The following PATL1 variants were observed in gnomAD, a reference collection of about 807,000 sequenced individuals.
The protein encoded by PATL1 is protein PAT1 homolog 1.
A neutral mutation model predicts 100.6 loss-of-function variants in PATL1; 32 were observed. The observed-to-expected ratio is 0.32, with a 90% CI of 0.24 to 0.43. PATL1 has a LOEUF of 0.43. PATL1 is among the 20% of genes least tolerant of loss of function. The pLI, the probability that PATL1 is intolerant of heterozygous loss-of-function variation, is 1.00. For synonymous variants in PATL1, 332 were observed against 330.0 expected (o/e 1.01, Z -0.07); for missense variants, 747 against 949.9 (o/e 0.79, Z 2.81).
At chr11:59,654,116 G>A in intron 8 of PATL1, 44 bp from the exon 9 acceptor site, 1 of 1,502,304 alleles carries the variant, frequency 6.7e-7, no homozygotes, top group South Asian at 1.1e-5. Flanking sequence ...TCATCCTGAT[G>A]ACTTGAAATT....
intron 1 of PATL1, among the ~76,000 whole-genome samples, chr11:59,667,684 G>A (rs982398082): frequency 7.9e-5 from 12 of 152,220 alleles, no homozygotes; most frequent in Non-Finnish European, 1.8e-4. Flanking sequence ...ACATTGTAAT[G>A]CAGGGACAAT....
rs1334004045 is a variant in PATL1 at position 59,658,951 on chromosome 11, CA to C, written c.346-6del. ...ATTCAGACTTCCTGGTTGGGGCTAACAAAAAAGGAAAACATACAGAGTCTGA... is the reference window on the plus strand; with the variant it reads ...ATTCAGACTTCCTGGTTGGGGCTAACAAAAAGGAAAACATACAGAGTCTGA... On this transcript the variant is annotated splice_polypyrimidine_tract_variant and splice_region_variant and intron_variant, in intron 3 of 18. Coordinates refer to ENST00000300146, the MANE Select transcript of PATL1 (RefSeq NM_152716.3). The C allele has an allele frequency of 1.9e-6, 3 of 1,543,058 alleles. No individual in the cohort carries two copies. Among genetic ancestry groups the C allele is most frequent in the African/African-American group, 1.4e-5 (1 of 72,328 alleles).
chr11:59,656,246 G>C (rs1359425365), intron 6 of PATL1, among the ~76,000 whole-genome samples: 1 of 152,074 alleles, frequency 6.6e-6, no homozygotes. Flanking sequence ...AGAAGCAGTA[G>C]AACATGGGAC....
At chr11:59,659,922 G>A (rs1590703463) in intron 2 of PATL1, among the ~76,000 whole-genome samples, 1 of 152,136 alleles carries the variant, frequency 6.6e-6, no homozygotes, top group Non-Finnish European at 1.5e-5. Flanking sequence ...AGGAAATAAG[G>A]TTTAAACTAA....
intron 16 of PATL1, among the ~76,000 whole-genome samples, chr11:59,640,982 G>A (rs1247244229): frequency 1.3e-5 from 2 of 152,098 alleles, no homozygotes; most frequent in Non-Finnish European, 2.9e-5. Flanking sequence ...GACCAGCCTG[G>A]CCAACATGGC....
At chr11:59,647,605 C>G (rs929217022) in intron 15 of PATL1, 149 bp downstream of exon 15, 2 of 815,278 alleles carry the variant, frequency 2.5e-6, no homozygotes, top group African/African-American at 3.5e-5. Context: ...GCCTGAAATA[C>G]TAAAGGTTTT....
chr11:59,641,875 C>T (rs568670331), intron 16 of PATL1, among the ~76,000 whole-genome samples: 123 of 152,296 alleles, frequency 8.1e-4, no homozygotes, highest in Non-Finnish European at 1.4e-3. Flanking sequence ...ACCCCAGAGG[C>T]ACTGTCACCT....
intron 8 of PATL1, among the ~76,000 whole-genome samples, chr11:59,655,322 C>T (rs1303418291): frequency 1.3e-5 from 2 of 152,180 alleles, no homozygotes; most frequent in African/African-American, 4.8e-5. Flanking sequence ...CACTGTATTC[C>T]ATACCCTCTG....
In PATL1 at chr11:59,652,476, C is replaced by CG; in HGVS notation, c.1413dup (p.Ala472ArgfsTer3). On this transcript the variant is annotated frameshift_variant, in exon 11 of 19. Transcript: ENST00000300146. LOFTEE classifies it high-confidence loss of function. Reference sequence around the variant, plus strand: ...ATGAGGACCTTACCTGGCTTATAGGCGTGCTCCAGTTTGGCCACCTGAGGG... The same window carrying CG: ...ATGAGGACCTTACCTGGCTTATAGGCGGTGCTCCAGTTTGGCCACCTGAGGG... The CG allele has an allele frequency of 6.2e-7, 1 of 1,613,192 alleles. No individual in the cohort carries two copies. Among genetic ancestry groups the CG allele is most frequent in the Non-Finnish European group, 8.5e-7 (1 of 1,179,596 alleles).
intron 15 of PATL1, among the ~76,000 whole-genome samples, chr11:59,645,587 G>A (rs1197285151): frequency 1.3e-5 from 2 of 151,982 alleles, no homozygotes; most frequent in Admixed American, 6.6e-5. Flanking sequence ...GGAAAGGTAG[G>A]ATAAATGCTT....
chr11:59,640,168 T>G (rs956735849), intron 16 of PATL1, among the ~76,000 whole-genome samples: 3 of 150,970 alleles, frequency 2.0e-5, no homozygotes, highest in Non-Finnish European at 4.4e-5. Flanking sequence ...ATGGTGAAAC[T>G]CCGTCTCTAC....
chr11:59,645,196 G>A (rs1202502522), intron 15 of PATL1, among the ~76,000 whole-genome samples: 9 of 120,486 alleles, frequency 7.5e-5, no homozygotes, highest in Admixed American at 3.6e-4. Flanking sequence ...ACACAGACAC[G>A]GCAACCATCC....
rs376049462 is a variant in PATL1, at chr11:59,651,088, G to A, written c.1525-275C>T. ...TGAAAATCTTTTTTTTTTCTTAAAC[G>A]TTAATTTTAGGTTCAATGGTACACG... On this transcript the variant is annotated intron_variant, in intron 12 of 18. Transcript: ENST00000300146. Among the ~76,000 whole-genome samples, 45 of 151,804 alleles carry A rather than the reference G, an allele frequency of 3.0e-4. No individual in the cohort carries two copies. The East Asian group carries it at 4.6e-3, about 16-fold the overall frequency.
At chr11:59,665,171 A>G (rs994448492) in intron 2 of PATL1, among the ~76,000 whole-genome samples, 3 of 152,214 alleles carry the variant, frequency 2.0e-5, no homozygotes, top group African/African-American at 7.2e-5. Flanking sequence ...AATGACTGAC[A>G]ATATTAAAAC....
chr11:59,641,163 T>C (rs945397054), intron 16 of PATL1, among the ~76,000 whole-genome samples: 4 of 150,416 alleles, frequency 2.7e-5, no homozygotes, highest in Non-Finnish European at 5.9e-5. Context: ...AGAGCAAGGC[T>C]CTGTCTCAAA....
intron 14 of PATL1, among the ~76,000 whole-genome samples, 160 bp downstream of exon 14, chr11:59,649,302 G>A (rs1361883426): frequency 2.0e-5 from 3 of 152,008 alleles, no homozygotes. Flanking sequence ...AAGATAATTC[G>A]TATTTTAAAT....
rs751647108 is a variant in PATL1, at chr11:59,647,716, AAG to A, written c.1893+36_1893+37del. On this transcript the variant is annotated intron_variant, in intron 15 of 18. Transcript: ENST00000300146. ...CATTCTAGAAATCTTATCACTTATA[AAG>A]ACTCAAAAGAAAGATGTCCCATCTT... 77 of 1,602,650 alleles carry A rather than the reference AAG, an allele frequency of 4.8e-5. No individual in the cohort carries two copies. In the Admixed American group the frequency reaches 1.3e-3, roughly 27 times the overall value.
chr11:59,659,510 G>A (rs1277458128), intron 2 of PATL1, 41 bp from the exon 3 acceptor site: 3 of 1,498,648 alleles, frequency 2.0e-6, no homozygotes, highest in Non-Finnish European at 2.7e-6. Flanking sequence ...AGTTCATAGT[G>A]GTACAAAAAA....
At chr11:59,661,933 T>C (rs964037239) in intron 2 of PATL1, among the ~76,000 whole-genome samples, 8 of 152,204 alleles carry the variant, frequency 5.3e-5, no homozygotes, top group Non-Finnish European at 1.0e-4. Flanking sequence ...TTTGGATTAT[T>C]TACAATTTTC....
Sources: allele counts gnomAD v4.1 joint callset (sites outside exome capture counted in the v4.1 genomes callset), GRCh38; gene constraint gnomAD v4.1.1; transcripts MANE v1.5; gene names NCBI Gene and HGNC (gene_info 2026-07-23, HGNC 2026-07-21).